The following PCDH15 variants were observed in gnomAD, a reference collection of about 807,000 sequenced individuals.
PCDH15 encodes the protein protocadherin related 15.
In PCDH15, 129 loss-of-function variants were observed where a neutral mutation model predicts 178.5. The observed-to-expected ratio is 0.72, with a 90% CI of 0.63 to 0.84. PCDH15 has a LOEUF of 0.84. Ranked by LOEUF, PCDH15 falls within the 40% of genes least tolerant of loss-of-function variation. The pLI, the probability that PCDH15 is intolerant of heterozygous loss-of-function variation, is 0.00. For synonymous variants in PCDH15, 800 were observed against 732.0 expected, an observed-to-expected ratio of 1.09 and a Z score of -1.50; for missense variants, 2,230 against 2,099.9, an observed-to-expected ratio of 1.06 and a Z score of -1.21.
intron 2 of PCDH15, among the ~76,000 whole-genome samples, chr10:55,162,884 C>T (rs1216337279): frequency 6.6e-6 from 1 of 152,098 alleles, no homozygotes; most frequent in African/African-American, 2.4e-5. Flanking sequence ...AATTACCAGT[C>T]ATTGTTCTAG....
At chr10:54,074,480 T>A (rs1305761142) in intron 17 of PCDH15, among the ~76,000 whole-genome samples, 1 of 152,222 alleles carries the variant, frequency 6.6e-6, no homozygotes, top group Non-Finnish European at 1.5e-5. Context: ...TCACTTAGCA[T>A]AATGTTCTCA....
At chr10:53,884,195 C>T (rs7905665) in intron 26 of PCDH15, among the ~76,000 whole-genome samples, 97,148 of 151,936 alleles carry the variant, frequency 0.64, 31,718 homozygotes, top group Middle Eastern at 0.78. Flanking sequence ...ACTACTGGGG[C>T]GATTAAATGC....
rs549714752 is a variant in PCDH15, at chr10:55,568,648, G to A, written c.-156+58977C>T. On this transcript the variant is annotated intron_variant, in intron 2 of 5. Coordinates refer to the PCDH15 transcript ENST00000613346. Reference sequence around the variant, plus strand: ...GAACAAGCTAATTTGACATGTTATCGGGACTTCCAAAAGAGGATTCAAGTA... The same window carrying A: ...GAACAAGCTAATTTGACATGTTATCAGGACTTCCAAAAGAGGATTCAAGTA... Among the ~76,000 whole-genome samples the A allele has an allele frequency of 5.3e-5, 8 of 151,994 alleles. No homozygotes were observed. The East Asian group carries it at 7.8e-4, about 15-fold the overall frequency.
intron 8 of PCDH15, among the ~76,000 whole-genome samples, chr10:54,289,349 A>G (rs1306566909): frequency 6.6e-6 from 1 of 152,230 alleles, no homozygotes; most frequent in Non-Finnish European, 1.5e-5. Flanking sequence ...AATAGCATCA[A>G]CATCAACAAA....
intron 11 of PCDH15, among the ~76,000 whole-genome samples, chr10:54,188,349 G>C (rs748497993): frequency 6.6e-6 from 1 of 151,834 alleles, no homozygotes; most frequent in Non-Finnish European, 1.5e-5. Flanking sequence ...GGATGTACAT[G>C]GACAAATAAT....
chr10:54,512,983 T>C (rs2137821458), intron 3 of PCDH15, among the ~76,000 whole-genome samples: 1 of 152,172 alleles, frequency 6.6e-6, no homozygotes, highest in South Asian at 2.1e-4. Context: ...ATGACAAGGC[T>C]GATAAACTTC....
chr10:54,217,576 C>T (rs1191642162), intron 9 of PCDH15, among the ~76,000 whole-genome samples: 2 of 152,094 alleles, frequency 1.3e-5, no homozygotes, highest in Admixed American at 6.6e-5. Flanking sequence ...TAAAATAGAA[C>T]ACCTATGGTT....
At chr10:54,859,450 A>C (rs1953800895) in intron 3 of PCDH15, among the ~76,000 whole-genome samples, 1 of 151,920 alleles carries the variant, frequency 6.6e-6, no homozygotes, top group South Asian at 2.1e-4. Flanking sequence ...TTCTTCAAAC[A>C]TTTGTCTTTT....
At chr10:54,602,686 A>C (rs973369405) in intron 2 of PCDH15, among the ~76,000 whole-genome samples, 1 of 151,974 alleles carries the variant, frequency 6.6e-6, no homozygotes, top group Admixed American at 6.6e-5. Context: ...ATAGGTATTA[A>C]ATTTGACAAA....
chr10:55,038,980 A>G (rs1243653120), intron 2 of PCDH15, among the ~76,000 whole-genome samples: 1 of 151,866 alleles, frequency 6.6e-6, no homozygotes, highest in Non-Finnish European at 1.5e-5. Flanking sequence ...TATTATTTCT[A>G]TTTTCTTCAT....
At chr10:53,948,258 T>C (rs921967058) in intron 23 of PCDH15, among the ~76,000 whole-genome samples, 2 of 152,154 alleles carry the variant, frequency 1.3e-5, no homozygotes, top group Non-Finnish European at 2.9e-5. Flanking sequence ...GTCTTACCTA[T>C]GCTGGAAACT....
chr10:54,173,865 G>T (rs1479222960), intron 13 of PCDH15, among the ~76,000 whole-genome samples: 1 of 152,108 alleles, frequency 6.6e-6, no homozygotes, highest in Non-Finnish European at 1.5e-5. Flanking sequence ...AGATAATAAA[G>T]GGGTAACATT....
At chr10:54,699,201 T>C (rs1030111306) in intron 1 of PCDH15, among the ~76,000 whole-genome samples, 4 of 152,122 alleles carry the variant, frequency 2.6e-5, no homozygotes, top group African/African-American at 9.7e-5. Flanking sequence ...ATCAATGTTA[T>C]TGTCAACTTT....
intron 21 of PCDH15, among the ~76,000 whole-genome samples, chr10:53,983,219 G>T (rs1270780952): frequency 1.3e-5 from 2 of 150,822 alleles, no homozygotes; most frequent in African/African-American, 4.9e-5. Context: ...AAGTGGTTTG[G>T]GTGTGTGTGT....
At chr10:53,848,564 AGTT>A (rs1266165458) in intron 28 of PCDH15, among the ~76,000 whole-genome samples, 3 of 151,962 alleles carry the variant, frequency 2.0e-5, no homozygotes, top group African/African-American at 7.2e-5. Context: ...ACATAAATAA[AGTT>A]GTCTGGAAAT....
intron 28 of PCDH15, among the ~76,000 whole-genome samples, chr10:53,844,058 T>C (rs995686119): frequency 2.0e-5 from 3 of 151,692 alleles, no homozygotes; most frequent in African/African-American, 7.2e-5. Flanking sequence ...ATGTGTGCTG[T>C]GGCTATTCTA....
chr10:54,341,513 G>A (rs1942226714), intron 6 of PCDH15, among the ~76,000 whole-genome samples: 1 of 152,136 alleles, frequency 6.6e-6, no homozygotes, highest in Non-Finnish European at 1.5e-5. Context: ...ACACTCTCAG[G>A]TAGTATCTTT....
At chr10:54,157,767 A>C (rs2133391775) in intron 13 of PCDH15, among the ~76,000 whole-genome samples, 1 of 152,254 alleles carries the variant, frequency 6.6e-6, no homozygotes, top group East Asian at 1.9e-4. Flanking sequence ...AACTGAATGC[A>C]CTTAACAGCA....
intron 2 of PCDH15, among the ~76,000 whole-genome samples, chr10:55,334,497 TG>T (rs1365631978): frequency 6.7e-6 from 1 of 149,654 alleles, no homozygotes; most frequent in Non-Finnish European, 1.5e-5. Context: ...AGTAAAGACA[TG>T]GCTTCTCCAT....
Sources: allele counts gnomAD v4.1 joint callset (sites outside exome capture counted in the v4.1 genomes callset), GRCh38; gene constraint gnomAD v4.1.1; transcripts MANE v1.5; gene names NCBI Gene and HGNC (gene_info 2026-07-23, HGNC 2026-07-21).